Variants in ZFAND3 observed in about 807,000 individuals in gnomAD.
The protein encoded by ZFAND3 is AN1-type zinc finger protein 3.
In ZFAND3, 10 loss-of-function variants were observed where a neutral mutation model predicts 29.6. That is an observed-to-expected ratio of 0.34 (90% CI 0.21 to 0.57). ZFAND3 has a LOEUF of 0.57. Among genes scored for constraint, ZFAND3 ranks in the 20% least tolerant of loss-of-function variants. The pLI is 0.86. For missense variants in ZFAND3, 230 were observed against 304.5 expected, an observed-to-expected ratio of 0.76 and a Z score of 1.82; for synonymous variants, 128 against 112.6, an observed-to-expected ratio of 1.14 and a Z score of -0.87.
intron 2 of ZFAND3, among the ~76,000 whole-genome samples, chr6:37,951,659 T>A (rs1762001038): frequency 6.6e-6 from 1 of 152,188 alleles, no homozygotes; most frequent in South Asian, 2.1e-4. Flanking sequence ...TTGACTTCTC[T>A]CTTCATATTT....
At chr6:37,930,119 T>G (rs982191651) in intron 2 of ZFAND3, 120 bp downstream of exon 2, 1 of 1,005,378 alleles carries the variant, frequency 9.9e-7, no homozygotes. Context: ...TTTTGTTTTC[T>G]TAGCTTGTGT....
At chr6:37,973,484 A>G (rs967427681) in intron 2 of ZFAND3, among the ~76,000 whole-genome samples, 1 of 152,194 alleles carries the variant, frequency 6.6e-6, no homozygotes, top group Non-Finnish European at 1.5e-5. Context: ...TAATGATAGA[A>G]ATGTTCTCTA....
rs148221123 is a variant in ZFAND3, at chr6:37,931,760, C to G, written c.112+1761C>G. On this transcript the variant is annotated intron_variant, in intron 2 of 5. Transcript: ENST00000287218. The stretch of plus-strand genomic sequence containing the variant: ...TTTTTTTGTTGTTGTTAATTTTAAT[C>G]TATTCATTATGCTATTTGGGCAAGG... Among the ~76,000 whole-genome samples, 13 of 152,098 alleles carry G rather than the reference C, an allele frequency of 8.5e-5. 1 individual carries two copies. The East Asian group carries it at 2.5e-3, about 29-fold the overall frequency.
chr6:38,099,563 G>C (rs1438973097), intron 4 of ZFAND3, among the ~76,000 whole-genome samples: 1 of 152,062 alleles, frequency 6.6e-6, no homozygotes, highest in Non-Finnish European at 1.5e-5. Flanking sequence ...TAGGACAGGG[G>C]AATTAGTTAC....
At chr6:37,938,820 G>A (rs1761750938) in intron 2 of ZFAND3, among the ~76,000 whole-genome samples, 1 of 152,216 alleles carries the variant, frequency 6.6e-6, no homozygotes, top group Non-Finnish European at 1.5e-5. Context: ...ATTTCTAACG[G>A]GAAACAGTGC....
At chr6:37,950,928 A>T (rs1360285395) in intron 2 of ZFAND3, among the ~76,000 whole-genome samples, 1 of 152,196 alleles carries the variant, frequency 6.6e-6, no homozygotes, top group Admixed American at 6.5e-5. Context: ...GTTTGATGGG[A>T]ATAGCATGAA....
At chr6:38,083,426 G>T (rs1422589789) in intron 4 of ZFAND3, among the ~76,000 whole-genome samples, 4 of 152,032 alleles carry the variant, frequency 2.6e-5, no homozygotes, top group Admixed American at 2.6e-4. Context: ...TCCCTCTTGT[G>T]CCCGGTTCCC....
chr6:38,137,570 T>C (rs1463926093), intron 5 of ZFAND3, among the ~76,000 whole-genome samples: 1 of 152,224 alleles, frequency 6.6e-6, no homozygotes, highest in African/African-American at 2.4e-5. Context: ...CTCTTGGTGC[T>C]TTTATTCTTT....
At chr6:37,883,747 G>A (rs1316346096) in intron 1 of ZFAND3, among the ~76,000 whole-genome samples, 1 of 145,072 alleles carries the variant, frequency 6.9e-6, no homozygotes, top group Admixed American at 6.7e-5. Flanking sequence ...TCACCATCTT[G>A]GTCAGGCTGG....
intron 2 of ZFAND3, among the ~76,000 whole-genome samples, chr6:37,959,961 A>C (rs1762164690): frequency 1.3e-5 from 2 of 152,246 alleles, no homozygotes; most frequent in African/African-American, 4.8e-5. Flanking sequence ...TACATTAAGC[A>C]CTTTAGGGAG....
At chr6:37,916,659 G>A (rs138652405) in intron 1 of ZFAND3, among the ~76,000 whole-genome samples, 20 of 151,842 alleles carry the variant, frequency 1.3e-4, no homozygotes, top group African/African-American at 2.2e-4. Flanking sequence ...ACTCTGTCTC[G>A]AAAAAAGAAA....
intron 2 of ZFAND3, among the ~76,000 whole-genome samples, chr6:37,931,349 A>G (rs1019046272): frequency 7.2e-5 from 11 of 152,106 alleles, no homozygotes; most frequent in African/African-American, 2.7e-4. Flanking sequence ...GGCTAGGGTC[A>G]TCCTAGGGAG....
rs1218394306 is a variant in ZFAND3 at position 37,844,138 on chromosome 6, G to C, written c.71+24122G>C. Among the ~76,000 whole-genome samples, 5 of 152,028 alleles carry C rather than the reference G, an allele frequency of 3.3e-5. No individual in the cohort carries two copies. In the South Asian group the frequency reaches 1.0e-3, roughly 32 times the overall value. On this transcript the variant is annotated intron_variant, in intron 1 of 5. Transcript: ENST00000287218. ...CAGGGTTTTGCCAGTTGCCCAGGCT[G>C]GTCTTGAACTCTTGGGCTCCAGTGA...
intron 1 of ZFAND3, among the ~76,000 whole-genome samples, chr6:37,877,150 G>A (rs893380974): frequency 6.6e-6 from 1 of 152,212 alleles, no homozygotes; most frequent in Non-Finnish European, 1.5e-5. Context: ...AATCAATAAA[G>A]TGGGTGATTT....
intron 5 of ZFAND3, among the ~76,000 whole-genome samples, chr6:38,142,063 T>G (rs9470796): frequency 0.12 from 18,109 of 152,188 alleles, 1,336 homozygotes; most frequent in East Asian, 0.29. Context: ...GGTCTAAAGC[T>G]CACACTCCAT....
At position 37,918,373 on chromosome 6, in the gene ZFAND3, C is replaced by T. The variant is rs569661950; in HGVS notation, c.72-11586C>T. ...TACAGGCGTGAGCCACTGCGCCTGG[C>T]CTGTGTAGATGTCTTTTCCTGGATA... On this transcript the variant is annotated intron_variant, in intron 1 of 5. Transcript: ENST00000287218. 3.4e-4 allele frequency among the ~76,000 whole-genome samples: 51 copies of T among 152,142 alleles called. 2 individuals are homozygous for T. The highest frequency in any genetic ancestry group is 5.9e-4 in the Non-Finnish European group (40 of 68,022).
chr6:38,114,073 G>GCTGCCTCCCCATCTTGTGCTGACAC (rs1484941025), intron 4 of ZFAND3, among the ~76,000 whole-genome samples: 4 of 152,194 alleles, frequency 2.6e-5, no homozygotes, highest in African/African-American at 7.2e-5. Flanking sequence ...AAAGGCCTCA[G>GCTGCCTCCCCATCTTGTGCTGACAC]CTGCCTCCCC....
chr6:37,903,274 C>T (rs1765352238), intron 1 of ZFAND3, among the ~76,000 whole-genome samples: 1 of 152,048 alleles, frequency 6.6e-6, no homozygotes, highest in Non-Finnish European at 1.5e-5. Context: ...GTTAGAGTCA[C>T]CAACAAAATA....
intron 1 of ZFAND3, among the ~76,000 whole-genome samples, chr6:37,828,575 G>C (rs561424430): frequency 4.9e-4 from 74 of 152,230 alleles, no homozygotes; most frequent in African/African-American, 1.7e-3. Flanking sequence ...AAGGTATGGT[G>C]ATTTCAATGT....
Sources: allele counts gnomAD v4.1 joint callset (sites outside exome capture counted in the v4.1 genomes callset), GRCh38; gene constraint gnomAD v4.1.1; transcripts MANE v1.5; gene names NCBI Gene and HGNC (gene_info 2026-07-23, HGNC 2026-07-21).